The following SMC6 variants were observed in gnomAD, a reference collection of about 807,000 sequenced individuals.
SMC6 encodes the protein structural maintenance of chromosomes protein 6.
A neutral mutation model predicts 142.2 loss-of-function variants in SMC6; 79 were observed. The observed-to-expected ratio is 0.56, with a 90% CI of 0.46 to 0.67. The LOEUF is 0.67. Among genes scored for constraint, SMC6 ranks in the 30% least tolerant of loss-of-function variants. The pLI is 0.00. For synonymous variants in SMC6, 411 were observed against 412.4 expected (o/e 1.00, Z 0.04); for missense variants, 1,072 against 1,284.0 (o/e 0.83, Z 2.52).
chr2:17,725,372 CA>C lies in SMC6; in HGVS notation c.625-15del, dbSNP rs574372786. On this transcript the variant is annotated splice_polypyrimidine_tract_variant and intron_variant, in intron 8 of 27. Coordinates refer to ENST00000448223, the MANE Select transcript of SMC6 (RefSeq NM_001142286.2). ...TTTCATGAAGAACTATTATCAATAA[CA>C]AAAAAAAACGCAATTAGGAGTTTGT... 282 of 1,490,886 alleles carry C rather than the reference CA, an allele frequency of 1.9e-4. No homozygotes were observed. The highest frequency in any genetic ancestry group is 3.6e-4 in the Middle Eastern group (2 of 5,512). The allele number at this position is 1,490,886 out of a possible 1,614,324, so 92.4% of individuals were successfully genotyped here. A position where few individuals can be genotyped will look rare whatever the true frequency, so the allele number is the denominator to read the frequency against.
At chr2:17,677,517 C>A (rs940980123) in intron 25 of SMC6, among the ~76,000 whole-genome samples, 1 of 152,190 alleles carries the variant, frequency 6.6e-6, no homozygotes, top group East Asian at 1.9e-4. Flanking sequence ...AAGAAAACGT[C>A]CAGCAATTGT....
At chr2:17,685,861 C>T (rs1373757389) in intron 23 of SMC6, among the ~76,000 whole-genome samples, 1 of 151,754 alleles carries the variant, frequency 6.6e-6, no homozygotes, top group Admixed American at 6.6e-5. Context: ...AGAGAAAAAT[C>T]TGCAATATTT....
intron 23 of SMC6, among the ~76,000 whole-genome samples, chr2:17,690,849 C>A (rs775136515): frequency 1.3e-5 from 2 of 151,790 alleles, no homozygotes; most frequent in Non-Finnish European, 2.9e-5. Flanking sequence ...GAAGGCCACA[C>A]GCTGTTTAGG....
At chr2:17,745,795 C>A in intron 3 of SMC6, 32 bp downstream of exon 3, 1 of 1,560,992 alleles carries the variant, frequency 6.4e-7, no homozygotes, top group African/African-American at 1.4e-5. Flanking sequence ...AAAAACATAT[C>A]AAAAAGCATA....
chr2:17,694,967 A>G (rs1468034656), intron 23 of SMC6, among the ~76,000 whole-genome samples, 185 bp downstream of exon 23: 1 of 152,236 alleles, frequency 6.6e-6, no homozygotes, highest in East Asian at 1.9e-4. Flanking sequence ...GAGTTTTGTA[A>G]TAGTTCAGAA....
chr2:17,740,889 C>G (rs1383344087), intron 4 of SMC6: 3 of 268,336 alleles, frequency 1.1e-5, no homozygotes, highest in African/African-American at 2.4e-5. Context: ...AACCCCAAAC[C>G]ACCAAACAAC....
At chr2:17,690,656 ATTAAT>A (rs1025387618) in intron 23 of SMC6, among the ~76,000 whole-genome samples, 11 of 152,168 alleles carry the variant, frequency 7.2e-5, no homozygotes, top group African/African-American at 2.4e-4. Context: ...TTATCACAAA[ATTAAT>A]TTAATTTTTA....
Position 17,725,367 on chromosome 2 carries a change from A to C in SMC6, c.625-9T>G. ...GTTGCTTTCATGAAGAACTATTATC[A>C]ATAACAAAAAAAAACGCAATTAGGA... On this transcript the variant is annotated splice_polypyrimidine_tract_variant and intron_variant, in intron 8 of 27. Transcript: ENST00000448223. 1 of 1,562,266 alleles carries C rather than the reference A, an allele frequency of 6.4e-7. No individual in the cohort carries two copies. Among genetic ancestry groups the C allele is most frequent in the Non-Finnish European group, 8.6e-7 (1 of 1,159,174 alleles).
chr2:17,696,945 G>T (rs75966249), intron 21 of SMC6, among the ~76,000 whole-genome samples: 1 of 151,914 alleles, frequency 6.6e-6, no homozygotes, highest in Admixed American at 6.6e-5. Flanking sequence ...TATAATGCAC[G>T]GCCACCACTG....
intron 24 of SMC6, chr2:17,680,528 T>G (rs759600100): frequency 2.6e-5 from 4 of 152,180 alleles, no homozygotes; most frequent in Non-Finnish European, 5.9e-5. Flanking sequence ...ACAAAATATA[T>G]TTCTCAAATA....
intron 2 of SMC6, among the ~76,000 whole-genome samples, chr2:17,750,728 G>A (rs1670983343): frequency 2.0e-5 from 3 of 152,078 alleles, no homozygotes; most frequent in Admixed American, 2.0e-4. Flanking sequence ...TTGGCTGGGC[G>A]GGTGGCTCAT....
At chr2:17,693,677 TATA>T (rs1172561038) in intron 23 of SMC6, among the ~76,000 whole-genome samples, 1 of 151,314 alleles carries the variant, frequency 6.6e-6, no homozygotes, top group Non-Finnish European at 1.5e-5. Context: ...ACCCTAAAAG[TATA>T]ATAATAAAAA....
intron 7 of SMC6, among the ~76,000 whole-genome samples, chr2:17,728,413 G>A (rs1028101857): frequency 9.9e-5 from 15 of 152,028 alleles, no homozygotes; most frequent in African/African-American, 2.9e-4. Flanking sequence ...CAGCCTGGGC[G>A]ACAGAGTGAG....
intron 25 of SMC6, among the ~76,000 whole-genome samples, chr2:17,678,109 A>G (rs1205143358): frequency 1.3e-5 from 2 of 152,166 alleles, no homozygotes; most frequent in Admixed American, 6.6e-5. Flanking sequence ...TTTTTACTCA[A>G]AAGTGGCCAG....
intron 5 of SMC6, among the ~76,000 whole-genome samples, chr2:17,733,576 T>C (rs1670007955): frequency 6.6e-6 from 1 of 152,230 alleles, no homozygotes; most frequent in African/African-American, 2.4e-5. Context: ...GCAACATTTC[T>C]GTAAATCTAC....
rs1669890446 is a variant in SMC6 at position 17,731,025 on chromosome 2, T to TA, written c.543+52dup. The TA allele has an allele frequency of 1.2e-5, 17 of 1,434,106 alleles. No homozygotes were observed. The East Asian group carries it at 2.5e-4, about 21-fold the overall frequency. The allele number at this position is 1,434,106 out of a possible 1,614,324, so 88.8% of individuals were successfully genotyped here. A position where few individuals can be genotyped will look rare whatever the true frequency, so the allele number is the denominator to read the frequency against. On this transcript the variant is annotated intron_variant, in intron 7 of 27. Transcript: ENST00000448223. ...TTTTTCTACACAAGTGAAATCGCACTAAAAAAATGACAAGGTGTATGAATT... is the reference window on the plus strand; with the variant it reads ...TTTTTCTACACAAGTGAAATCGCACTAAAAAAAATGACAAGGTGTATGAATT...
Position 17,665,571 on chromosome 2 carries a change from A to C in SMC6, c.3204T>G (p.Ser1068=), listed in dbSNP as rs766315195. ...SSKLIRILRM[S]DPERGQTTLP... ...ATGTAGTTTGTCCTCTTTCAGGATCAGACATTCGGAGAATTCTTATCAGTT... is the reference window on the plus strand; with the variant it reads ...ATGTAGTTTGTCCTCTTTCAGGATCCGACATTCGGAGAATTCTTATCAGTT... The change falls in exon 28 of 28, where the codon TCT becomes TCG. Residue 1068 remains serine, a synonymous_variant. Transcript: ENST00000448223. 6.8e-6 allele frequency: 11 copies of C among 1,610,918 alleles called. No individual in the cohort carries two copies. In the Admixed American group the frequency reaches 1.7e-4, roughly 25 times the overall value.
At chr2:17,698,709 AT>A (rs1305958702) in intron 21 of SMC6, among the ~76,000 whole-genome samples, 10 of 152,064 alleles carry the variant, frequency 6.6e-5, no homozygotes, top group Middle Eastern at 3.2e-3. Context: ...GTAAGTCTAA[AT>A]TTAAGTCTGT....
chr2:17,734,085 A>C (rs1467365412), intron 5 of SMC6, among the ~76,000 whole-genome samples: 1 of 152,124 alleles, frequency 6.6e-6, no homozygotes, highest in Non-Finnish European at 1.5e-5. Flanking sequence ...AGGTGCACAG[A>C]GGAGAGTTGC....
Sources: allele counts gnomAD v4.1 joint callset (sites outside exome capture counted in the v4.1 genomes callset), GRCh38; gene constraint gnomAD v4.1.1; transcripts MANE v1.5; gene names NCBI Gene and HGNC (gene_info 2026-07-23, HGNC 2026-07-21).